ATG5: variants seen among roughly 807,000 people sequenced by gnomAD.
ATG5 encodes the protein autophagy protein 5.
Under a neutral mutation model 36.5 loss-of-function variants are expected in ATG5, and 14 were observed. The ratio of observed to expected loss-of-function variants is 0.38; its 90% CI spans 0.25 to 0.60. The LOEUF (loss-of-function observed/expected upper bound fraction) is 0.60. Among genes scored for constraint, ATG5 ranks in the 20% least tolerant of loss-of-function variants. The pLI is 0.60. For missense variants in ATG5, 195 were observed against 326.7 expected (o/e 0.60, Z 3.11); for synonymous variants, 95 against 101.5 (o/e 0.94, Z 0.38).
chr6:106,278,792 T>C (rs1779759274), intron 5 of ATG5, among the ~76,000 whole-genome samples: 1 of 152,214 alleles, frequency 6.6e-6, no homozygotes, highest in Non-Finnish European at 1.5e-5. Context: ...TGTGCTTTGC[T>C]ATCTGTGGGT....
chr6:106,320,647 G>A (rs950232006), intron 1 of ATG5, among the ~76,000 whole-genome samples: 2 of 147,796 alleles, frequency 1.4e-5, no homozygotes, highest in Non-Finnish European at 3.0e-5. Context: ...AATCCATAAA[G>A]TGTTTGATAC....
At chr6:106,284,293 C>T (rs1403701418) in intron 4 of ATG5, among the ~76,000 whole-genome samples, 1 of 152,174 alleles carries the variant, frequency 6.6e-6, no homozygotes, top group Non-Finnish European at 1.5e-5. Context: ...ACATTCTCAT[C>T]AGCAACGTGT....
chr6:106,223,290 G>C (rs1562220619), intron 6 of ATG5, among the ~76,000 whole-genome samples: 1 of 152,096 alleles, frequency 6.6e-6, no homozygotes, highest in African/African-American at 2.4e-5. Flanking sequence ...ATATCTGCTG[G>C]AAAAAGCAAC....
intron 6 of ATG5, among the ~76,000 whole-genome samples, chr6:106,221,750 T>C (rs1252936183): frequency 6.6e-6 from 1 of 151,362 alleles, no homozygotes; most frequent in Non-Finnish European, 1.5e-5. Context: ...GTCCAACTTA[T>C]GTTTACTATA....
At chr6:106,251,360 C>T (rs1778568500) in intron 5 of ATG5, among the ~76,000 whole-genome samples, 1 of 152,002 alleles carries the variant, frequency 6.6e-6, no homozygotes, top group Admixed American at 6.5e-5. Context: ...GGTGGGACCC[C>T]TTACAAGTTT....
At chr6:106,271,957 C>T (rs531651572) in intron 5 of ATG5, among the ~76,000 whole-genome samples, 328 of 152,262 alleles carry the variant, frequency 2.2e-3, no homozygotes, top group Non-Finnish European at 3.6e-3. Context: ...GTTTTTAATC[C>T]CAGATAAATA....
intron 5 of ATG5, among the ~76,000 whole-genome samples, chr6:106,264,262 T>TA (rs755188918): frequency 7.9e-5 from 12 of 151,872 alleles, no homozygotes; most frequent in Non-Finnish European, 1.8e-4. Flanking sequence ...AAGATCAACT[T>TA]ACTGAAAAAA....
intron 7 of ATG5, among the ~76,000 whole-genome samples, chr6:106,191,505 T>C (rs1025894497): frequency 1.3e-5 from 2 of 152,172 alleles, no homozygotes; most frequent in African/African-American, 2.4e-5. Flanking sequence ...GTGTAAACCA[T>C]CATAATTTAT....
At chr6:106,196,302 T>C (rs1017364516) in intron 7 of ATG5, among the ~76,000 whole-genome samples, 19 of 152,178 alleles carry the variant, frequency 1.2e-4, no homozygotes, top group African/African-American at 4.6e-4. Flanking sequence ...TTTCAGAATG[T>C]TATTTTAAAC....
intron 2 of ATG5, among the ~76,000 whole-genome samples, chr6:106,314,860 G>A (rs570029537): frequency 1.3e-5 from 2 of 152,206 alleles, no homozygotes; most frequent in South Asian, 2.1e-4. Context: ...GACAGAAAAC[G>A]GTTGATATTT....
chr6:106,282,865 C>T (rs1264830733), intron 4 of ATG5, among the ~76,000 whole-genome samples: 1 of 152,076 alleles, frequency 6.6e-6, no homozygotes, highest in Non-Finnish European at 1.5e-5. Flanking sequence ...CACCTTATTG[C>T]AGCCTCAACC....
intron 5 of ATG5, among the ~76,000 whole-genome samples, chr6:106,275,232 A>G (rs1198870570): frequency 6.6e-6 from 1 of 152,256 alleles, no homozygotes; most frequent in Non-Finnish European, 1.5e-5. Context: ...ACCCATTTAC[A>G]TTAATTAACA....
intron 5 of ATG5, among the ~76,000 whole-genome samples, chr6:106,277,545 TA>T (rs1779707191): frequency 6.6e-6 from 1 of 152,266 alleles, no homozygotes; most frequent in African/African-American, 2.4e-5. Flanking sequence ...CTGAGCATGG[TA>T]GCTCATGCCT....
At chr6:106,222,806 T>C (rs1406845262) in intron 6 of ATG5, among the ~76,000 whole-genome samples, 1 of 152,132 alleles carries the variant, frequency 6.6e-6, no homozygotes, top group Non-Finnish European at 1.5e-5. Context: ...ACCTCAGGTA[T>C]ATAAAGGGGA....
intron 6 of ATG5, among the ~76,000 whole-genome samples, chr6:106,242,468 G>C (rs1264310895): frequency 2.0e-5 from 3 of 152,102 alleles, no homozygotes; most frequent in Non-Finnish European, 2.9e-5. Flanking sequence ...AGTTTGTTTT[G>C]CAAGAAGAAA....
chr6:106,279,918 T>C lies in ATG5; in HGVS notation c.316-95A>G, dbSNP rs1022962181. 3 of 813,580 alleles carry C rather than the reference T, an allele frequency of 3.7e-6. No homozygotes were observed. The African/African-American group carries it at 5.3e-5, about 14-fold the overall frequency. The allele number at this position is 813,580 out of a possible 1,614,324, so 50.4% of individuals were successfully genotyped here. ...CTATATCCCCCAGTTTTTCAATATT[T>C]CTAGTAAACTATCTCTTAGCACTGA... On this transcript the variant is annotated intron_variant, in intron 4 of 7. Coordinates refer to ENST00000369076, the MANE Select transcript of ATG5 (RefSeq NM_004849.4).
intron 6 of ATG5, among the ~76,000 whole-genome samples, chr6:106,236,751 T>G (rs1344266480): frequency 6.6e-6 from 1 of 152,182 alleles, no homozygotes; most frequent in Non-Finnish European, 1.5e-5. Flanking sequence ...TTAAACACAG[T>G]GGAGACATTT....
chr6:106,248,278 G>T lies in ATG5; in HGVS notation c.479-34C>A. 2.0e-6 allele frequency: 3 copies of T among 1,478,104 alleles called. No homozygotes were observed. In the South Asian group the frequency reaches 3.4e-5, roughly 17 times the overall value. 91.6% of individuals were successfully genotyped at this position (1,478,104 alleles called of 1,614,324 possible). A position where few individuals can be genotyped will look rare whatever the true frequency, so the allele number is the denominator to read the frequency against. ...ATATAAATTATTTGTTATTAAAAAT[G>T]AACAACATTATAATGGAATACCTCA... is the stretch of plus-strand genomic sequence containing the variant. On this transcript the variant is annotated intron_variant, in intron 5 of 7. Transcript: ENST00000369076.
chr6:106,318,251 G>T (rs1272646016), intron 1 of ATG5, among the ~76,000 whole-genome samples: 1 of 152,080 alleles, frequency 6.6e-6, no homozygotes, highest in Non-Finnish European at 1.5e-5. Context: ...AATAGGCAGG[G>T]ATGATCATAA....
Sources: gnomAD v4.1 joint callset for allele counts (sites outside exome capture counted in the v4.1 genomes callset) on GRCh38, gnomAD v4.1.1 for gene constraint, MANE v1.5 for transcripts, NCBI Gene and HGNC (gene_info 2026-07-23, HGNC 2026-07-21) for gene names.